Variants in VPS13C observed in about 807,000 individuals in gnomAD.
The protein encoded by VPS13C is vacuolar protein sorting 13 homolog C.
A neutral mutation model predicts 456.8 loss-of-function variants in VPS13C; 358 were observed. The ratio of observed to expected loss-of-function variants is 0.78; its 90% CI spans 0.72 to 0.86. The LOEUF is 0.86. VPS13C is among the 40% of genes least tolerant of loss of function. The pLI is 0.00. For missense variants in VPS13C, 4,818 were observed against 4,385.4 expected (o/e 1.10, Z -2.79); for synonymous variants, 1,578 against 1,486.7 (o/e 1.06, Z -1.41).
At chr15:62,040,380 T>G (rs1400831280) in intron 3 of VPS13C, among the ~76,000 whole-genome samples, 1 of 152,156 alleles carries the variant, frequency 6.6e-6, no homozygotes, top group African/African-American at 2.4e-5. Context: ...AAAGAAAGGA[T>G]AAATACTTTG....
chr15:61,992,562 G>C (rs1485516215), intron 16 of VPS13C, among the ~76,000 whole-genome samples: 1 of 152,102 alleles, frequency 6.6e-6, no homozygotes. Context: ...GAAGATAAAA[G>C]TAAAGAGTTG....
At chr15:62,041,863 T>C (rs1046703480) in intron 2 of VPS13C, among the ~76,000 whole-genome samples, 1 of 151,940 alleles carries the variant, frequency 6.6e-6, no homozygotes, top group Non-Finnish European at 1.5e-5. Flanking sequence ...AAAGAAAGAA[T>C]TCACAAGAGA....
At chr15:61,959,713 G>A (rs1400064848) in intron 35 of VPS13C, 118 bp from the exon 36 acceptor site, 2 of 974,176 alleles carry the variant, frequency 2.1e-6, no homozygotes, top group South Asian at 4.9e-5. Flanking sequence ...AAACAGTGTG[G>A]CTTGAGTATT....
At chr15:62,038,842 TG>T (rs577417721) in intron 3 of VPS13C, among the ~76,000 whole-genome samples, 3 of 151,922 alleles carry the variant, frequency 2.0e-5, no homozygotes, top group Non-Finnish European at 4.4e-5. Flanking sequence ...AACAAACACA[TG>T]AAAAAATGTT....
chr15:62,041,933 CTTGTT>C (rs879307310), intron 2 of VPS13C, among the ~76,000 whole-genome samples: 8 of 152,080 alleles, frequency 5.3e-5, no homozygotes, highest in Admixed American at 1.3e-4. Flanking sequence ...AAACTGGTTA[CTTGTT>C]TTAAGTAAAC....
At chr15:62,019,790 G>A (rs1236916297) in intron 9 of VPS13C, among the ~76,000 whole-genome samples, 1 of 152,030 alleles carries the variant, frequency 6.6e-6, no homozygotes, top group Non-Finnish European at 1.5e-5. Flanking sequence ...CAGTTCTGTA[G>A]ATGTCTATTG....
chr15:62,025,729 T>A (rs987361851), intron 6 of VPS13C, among the ~76,000 whole-genome samples: 1 of 152,070 alleles, frequency 6.6e-6, no homozygotes, highest in Non-Finnish European at 1.5e-5. Flanking sequence ...ATCCAATAAA[T>A]AATAAATTTA....
intron 18 of VPS13C, among the ~76,000 whole-genome samples, chr15:61,986,088 C>T (rs1359265310): frequency 6.6e-6 from 1 of 151,004 alleles, no homozygotes; most frequent in African/African-American, 2.4e-5. Context: ...TACACATACA[C>T]ACACACTCTC....
intron 1 of VPS13C, among the ~76,000 whole-genome samples, chr15:62,047,713 G>C (rs1003569326): frequency 6.6e-6 from 1 of 152,074 alleles, no homozygotes; most frequent in Non-Finnish European, 1.5e-5. Context: ...TACTTATCTT[G>C]GTAAGGCACT....
intron 2 of VPS13C, among the ~76,000 whole-genome samples, 168 bp from the exon 3 acceptor site, chr15:62,041,534 T>C (rs2048240666): frequency 6.6e-6 from 1 of 152,144 alleles, no homozygotes; most frequent in Non-Finnish European, 1.5e-5. Flanking sequence ...AAACGTTTCA[T>C]AGGCCTGGTG....
rs1894443770 is a variant in VPS13C at position 61,864,995 on chromosome 15, A to C, written c.10864-1467T>G. 3 of 984,418 alleles carry C rather than the reference A, an allele frequency of 3.0e-6. No individual in the cohort carries two copies. In the African/African-American group the frequency reaches 5.3e-5, roughly 17 times the overall value. The allele number at this position is 984,418 out of a possible 1,614,324, so 61.0% of individuals were successfully genotyped here. A position where few individuals can be genotyped will look rare whatever the true frequency, so the allele number is the denominator to read the frequency against. ...GGCTATTGTGCTTCAAGCCATTGAC[A>C]GTTTTTAAAATATAATTTATCACCA... On this transcript the variant is annotated intron_variant, in intron 81 of 84. Coordinates refer to ENST00000644861, the MANE Select transcript of VPS13C (RefSeq NM_020821.3).
At chr15:61,901,519 C>G (rs1352612707) in intron 66 of VPS13C, among the ~76,000 whole-genome samples, 1 of 152,210 alleles carries the variant, frequency 6.6e-6, no homozygotes, top group Non-Finnish European at 1.5e-5. Context: ...AAATGCTCAT[C>G]ATCACTGGCC....
In VPS13C at chr15:61,961,909, A is replaced by C; in HGVS notation, c.3604-16T>G. The C allele has an allele frequency of 6.3e-7, 1 of 1,592,198 alleles. No individual in the cohort carries two copies. Among genetic ancestry groups the C allele is most frequent in the Non-Finnish European group, 8.5e-7 (1 of 1,171,176 alleles). The stretch of plus-strand genomic sequence containing the variant: ...TCAGGAAGTTCTGTGGACACAAAGC[A>C]TAAAAAGAGAAATTCAAAGAGAATA... On this transcript the variant is annotated splice_polypyrimidine_tract_variant and intron_variant, in intron 34 of 84. Coordinates refer to ENST00000644861, the MANE Select transcript of VPS13C (RefSeq NM_020821.3).
chr15:62,009,530 T>G (rs1010085033), intron 13 of VPS13C, among the ~76,000 whole-genome samples: 2 of 152,326 alleles, frequency 1.3e-5, no homozygotes, highest in Admixed American at 6.5e-5. Context: ...ACTTTTTACA[T>G]TTATTATATG....
Position 62,023,411 on chromosome 15 carries a change from A to G in VPS13C, c.624T>C (p.Asp208=), listed in dbSNP as rs1370313969. ...ITDIHIKYED[D]VTDPKRPLSF... ...AACTGAGTAAATAAAAATTACTTAC[A>G]TCATCTTCATATTTAATGTGAATAT... The change falls in exon 8 of 85, where the codon GAT becomes GAC. Residue 208 remains aspartate (D), a splice_region_variant and synonymous_variant. Coordinates refer to ENST00000644861, the MANE Select transcript of VPS13C (RefSeq NM_020821.3). 3 of 1,466,026 alleles carry G rather than the reference A, an allele frequency of 2.0e-6. No homozygotes were observed. Among genetic ancestry groups the G allele is most frequent in the Non-Finnish European group, 2.8e-6 (3 of 1,089,136 alleles). The allele number at this position is 1,466,026 out of a possible 1,614,324, so 90.8% of individuals were successfully genotyped here.
At chr15:62,012,258 A>ACACACACACACACACACACACACAC (rs2047071095) in intron 11 of VPS13C, 94 bp from the exon 12 acceptor site, 1 of 588,894 alleles carries the variant, frequency 1.7e-6, no homozygotes, top group African/African-American at 1.9e-5. Context: ...ACACACACAC[A>ACACACACACACACACACACACACAC]AAGCTTGGTT....
chr15:62,044,954 C>A (rs140945258), intron 1 of VPS13C, among the ~76,000 whole-genome samples: 1 of 151,976 alleles, frequency 6.6e-6, no homozygotes, highest in Non-Finnish European at 1.5e-5. Flanking sequence ...TAAATGCAGG[C>A]GTAAATTACT....
At chr15:62,050,159 C>A (rs1567150919) in intron 1 of VPS13C, among the ~76,000 whole-genome samples, 1 of 152,040 alleles carries the variant, frequency 6.6e-6, no homozygotes, top group Admixed American at 6.6e-5. Context: ...TCCTTTAAAA[C>A]AAAAAACAAA....
chr15:61,943,313 C>T lies in VPS13C; in HGVS notation c.5149-1246G>A, dbSNP rs534766863. 3.9e-5 allele frequency among the ~76,000 whole-genome samples: 6 copies of T among 152,168 alleles called. No homozygotes were observed. The East Asian group carries it at 9.7e-4, about 25-fold the overall frequency. ...CAAAAAAGAACCCAAATAACCAAAG[C>T]AATCCCAAGCAAAAAGAACAAAGCT... is the stretch of plus-strand genomic sequence containing the variant. On this transcript the variant is annotated intron_variant, in intron 45 of 84. Coordinates refer to ENST00000644861, the MANE Select transcript of VPS13C (RefSeq NM_020821.3).
Sources: allele counts gnomAD v4.1 joint callset (sites outside exome capture counted in the v4.1 genomes callset), GRCh38; gene constraint gnomAD v4.1.1; transcripts MANE v1.5; gene names NCBI Gene and HGNC (gene_info 2026-07-23, HGNC 2026-07-21).